The following SYT1 variants were observed in gnomAD, a reference collection of about 807,000 sequenced individuals.
SYT1 encodes synaptotagmin-1.
A neutral mutation model predicts 44.8 loss-of-function variants in SYT1; 8 were observed. That is an observed-to-expected ratio of 0.18 (90% confidence interval 0.10 to 0.32). The LOEUF (loss-of-function observed/expected upper bound fraction) is 0.32. SYT1 is among the 10% of genes least tolerant of loss of function. SYT1 has a pLI of 1.00. For missense variants in SYT1, 286 were observed against 509.3 expected (o/e 0.56, Z 4.22); for synonymous variants, 154 against 188.8 (o/e 0.82, Z 1.51).
chr12:79,193,849 T>A (rs1873278039), intron 3 of SYT1, among the ~76,000 whole-genome samples: 1 of 152,230 alleles, frequency 6.6e-6, no homozygotes, highest in Non-Finnish European at 1.5e-5. Context: ...ATTTTTAAAA[T>A]GATTCACTTT....
chr12:79,097,236 T>C (rs1357429507), intron 3 of SYT1, among the ~76,000 whole-genome samples: 1 of 151,964 alleles, frequency 6.6e-6, no homozygotes, highest in Non-Finnish European at 1.5e-5. Context: ...AAGCAACATT[T>C]GAGACTGTCC....
chr12:79,382,531 AG>A (rs774975436), intron 9 of SYT1, among the ~76,000 whole-genome samples: 9 of 152,290 alleles, frequency 5.9e-5, no homozygotes, highest in Non-Finnish European at 8.8e-5. Flanking sequence ...AATATATACT[AG>A]GGGTAAAAAA....
chr12:79,315,030 G>A (rs1016268782), intron 8 of SYT1, among the ~76,000 whole-genome samples: 1 of 152,050 alleles, frequency 6.6e-6, no homozygotes, highest in Admixed American at 6.6e-5. Flanking sequence ...GGATTCTTTT[G>A]GAGTGATGAA....
At chr12:79,067,678 T>C in intron 3 of SYT1, among the ~76,000 whole-genome samples, 1 of 152,274 alleles carries the variant, frequency 6.6e-6, no homozygotes, top group African/African-American at 2.4e-5. Flanking sequence ...GGATTCCAGG[T>C]AAAACATCAA....
chr12:79,384,771 A>G (rs947606125), intron 9 of SYT1, among the ~76,000 whole-genome samples: 1 of 152,112 alleles, frequency 6.6e-6, no homozygotes, highest in Non-Finnish European at 1.5e-5. Flanking sequence ...CTGATTTTCT[A>G]TTGTTGGCCG....
intron 1 of SYT1, among the ~76,000 whole-genome samples, chr12:78,963,422 G>C (rs565777015): frequency 4.6e-5 from 7 of 152,018 alleles, no homozygotes; most frequent in East Asian, 1.9e-4. Context: ...CATAGATAAT[G>C]ATGGGTAAAT....
intron 1 of SYT1, among the ~76,000 whole-genome samples, chr12:78,947,663 G>A (rs1485963163): frequency 1.3e-5 from 2 of 151,960 alleles, no homozygotes; most frequent in Non-Finnish European, 2.9e-5. Context: ...AGCTAATGTA[G>A]CTTTGGAGGA....
intron 1 of SYT1, among the ~76,000 whole-genome samples, chr12:78,898,149 C>CATTT (rs61455149): frequency 0.081 from 12,246 of 152,026 alleles, 572 homozygotes; most frequent in African/African-American, 0.13. Context: ...GAATGTTGAG[C>CATTT]AAATTACTTA....
At chr12:78,940,109 A>T (rs1878270360) in intron 1 of SYT1, among the ~76,000 whole-genome samples, 1 of 152,200 alleles carries the variant, frequency 6.6e-6, no homozygotes, top group Non-Finnish European at 1.5e-5. Flanking sequence ...ATGTGCTTAA[A>T]TGCTAGTCCC....
chr12:78,994,694 C>T (rs765952718), intron 2 of SYT1, among the ~76,000 whole-genome samples: 4 of 151,826 alleles, frequency 2.6e-5, no homozygotes, highest in Non-Finnish European at 5.9e-5. Flanking sequence ...TGCCACTGTG[C>T]CCAGCTAATT....
chr12:78,875,976 C>T (rs1313088118), intron 1 of SYT1, among the ~76,000 whole-genome samples: 2 of 151,504 alleles, frequency 1.3e-5, no homozygotes, highest in Non-Finnish European at 1.5e-5. Flanking sequence ...AATACATGGC[C>T]TAACTCCAGT....
chr12:79,120,603 G>A (rs981616807), intron 3 of SYT1, among the ~76,000 whole-genome samples: 4 of 152,068 alleles, frequency 2.6e-5, no homozygotes, highest in African/African-American at 9.7e-5. Context: ...CTTATGCAAA[G>A]TATCCTCTAA....
chr12:79,055,775 TA>T (rs1874887056), intron 3 of SYT1, among the ~76,000 whole-genome samples: 1 of 152,074 alleles, frequency 6.6e-6, no homozygotes, highest in Non-Finnish European at 1.5e-5. Flanking sequence ...ATTGTTGTTA[TA>T]TTTGTTATTT....
intron 1 of SYT1, among the ~76,000 whole-genome samples, chr12:78,878,798 C>T (rs1036012640): frequency 2.0e-5 from 3 of 151,668 alleles, no homozygotes; most frequent in Non-Finnish European, 2.9e-5. Flanking sequence ...ATAGCCATTG[C>T]GGATCAGAGT....
At chr12:79,252,301 A>G (rs547334242) in intron 4 of SYT1, among the ~76,000 whole-genome samples, 9 of 152,210 alleles carry the variant, frequency 5.9e-5, no homozygotes, top group Non-Finnish European at 1.2e-4. Context: ...TTTATTGTTG[A>G]CATTCAATAA....
In SYT1 at chr12:79,179,034, A is replaced by C. The variant is rs1258513010; in HGVS notation, c.-17-38469A>C. On this transcript the variant is annotated intron_variant, in intron 3 of 10. Coordinates refer to ENST00000261205, the MANE Select transcript of SYT1 (RefSeq NM_005639.3). ...TATATAGATATAGATATAGATATATAGATATAGATATAGATATATAGATAT... is the reference window on the plus strand; with the variant it reads ...TATATAGATATAGATATAGATATATCGATATAGATATAGATATATAGATAT... Among the ~76,000 whole-genome samples, 16 of 17,190 alleles carry C rather than the reference A, an allele frequency of 9.3e-4. 1 individual carries two copies. The highest frequency in any genetic ancestry group is 3.1e-3 in the African/African-American group (6 of 1,922). The allele number at this position is 17,190 out of a possible 152,430, so 11.3% of individuals were successfully genotyped here.
chr12:78,949,841 T>C (rs927782350), intron 1 of SYT1, among the ~76,000 whole-genome samples: 1 of 151,878 alleles, frequency 6.6e-6, no homozygotes, highest in Non-Finnish European at 1.5e-5. Flanking sequence ...ACAGGAAAAA[T>C]GTGAAACTGG....
In SYT1 at chr12:78,984,441, A is replaced by AT. The variant is rs569449802; in HGVS notation, c.-84+6516dup. The stretch of plus-strand genomic sequence containing the variant: ...CATGCATTTTATATAGCATTATGAG[A>AT]TTTTTTCTCTTGCTTTTTGGTCATT... On this transcript the variant is annotated intron_variant, in intron 2 of 10. Coordinates refer to ENST00000261205, the MANE Select transcript of SYT1 (RefSeq NM_005639.3). 1.1e-4 allele frequency among the ~76,000 whole-genome samples: 16 copies of AT among 151,824 alleles called. 1 individual carries two copies. The South Asian group carries it at 2.1e-3, about 20-fold the overall frequency.
In SYT1 at chr12:79,008,743, G is replaced by C. The variant is rs543666160; in HGVS notation, c.-84+30812G>C. 7.9e-5 allele frequency among the ~76,000 whole-genome samples: 12 copies of C among 152,170 alleles called. No homozygotes were observed. In the South Asian group the frequency reaches 1.2e-3, roughly 16 times the overall value. On this transcript the variant is annotated intron_variant, in intron 2 of 10. Transcript: ENST00000261205. ...GTAAGGTGCTCCAAATGCCTTCTCA[G>C]CCACCTCCCTTTGCTTATTCCTGCT...
Sources: gnomAD v4.1 joint callset for allele counts (sites outside exome capture counted in the v4.1 genomes callset) on GRCh38, gnomAD v4.1.1 for gene constraint, MANE v1.5 for transcripts, NCBI Gene and HGNC (gene_info 2026-07-23, HGNC 2026-07-21) for gene names.